Variants in HCN3 observed in about 807,000 individuals in gnomAD.
HCN3 encodes the protein potassium/sodium hyperpolarization-activated cyclic nucleotide-gated channel 3.
Under a neutral mutation model 56.8 loss-of-function variants are expected in HCN3, and 36 were observed. The ratio of observed to expected loss-of-function variants is 0.63; its 90% CI spans 0.49 to 0.84. The LOEUF (loss-of-function observed/expected upper bound fraction) is 0.84. Ranked by LOEUF, HCN3 falls within the 40% of genes least tolerant of loss-of-function variation. The pLI, the probability that HCN3 is intolerant of heterozygous loss-of-function variation, is 0.00. For synonymous variants in HCN3, 425 were observed against 439.7 expected (o/e 0.97, Z 0.42); for missense variants, 930 against 1,079.3 (o/e 0.86, Z 1.94).
chr1:155,288,565 A>G lies in HCN3; in HGVS notation c.*102A>G. 3 of 1,430,480 alleles carry G rather than the reference A, an allele frequency of 2.1e-6. No individual in the cohort carries two copies. The highest frequency in any genetic ancestry group is 2.8e-6 in the Non-Finnish European group (3 of 1,061,188). 88.6% of individuals were successfully genotyped at this position (1,430,480 alleles called of 1,614,324 possible). A position where few individuals can be genotyped will look rare whatever the true frequency, so the allele number is the denominator to read the frequency against. On this transcript the variant is annotated 3_prime_UTR_variant, in exon 8 of 8. Transcript: ENST00000368358. This position sits in a 1 kb window ranked among gnomAD's most constrained non-coding sequence, Gnocchi z 6.5. ...CCATGGGGACCTGAAACATTGCCCC[A>G]TGGAAATGTCGACCCTGTGCGGACA... is the stretch of plus-strand genomic sequence containing the variant.
In HCN3 at chr1:155,282,934, T is replaced by G; in HGVS notation, c.708+94T>G. 2 of 1,267,362 alleles carry G rather than the reference T, an allele frequency of 1.6e-6. No individual in the cohort carries two copies. Among genetic ancestry groups the G allele is most frequent in the Non-Finnish European group, 1.1e-6 (1 of 921,560 alleles). The allele number at this position is 1,267,362 out of a possible 1,614,324, so 78.5% of individuals were successfully genotyped here. On this transcript the variant is annotated intron_variant, in intron 2 of 7. Transcript: ENST00000368358. This position sits in a 1 kb window ranked among gnomAD's most constrained non-coding sequence, Gnocchi z 4.7. Reference sequence around the variant, plus strand: ...GGTGGACTTCTCTAGGAAGATGCTATGGGTGGGGCTCCTGGTGACCTTATA... The same window carrying G: ...GGTGGACTTCTCTAGGAAGATGCTAGGGGTGGGGCTCCTGGTGACCTTATA...
rs1436775786 is a variant in HCN3 at position 155,277,691 on chromosome 1, C to G, written c.101C>G (p.Ser34Ter). 6.4e-7 allele frequency: 1 copy of G among 1,566,388 alleles called. No homozygotes were observed. Among genetic ancestry groups the G allele is most frequent in the South Asian group, 1.2e-5 (1 of 85,618 alleles). Residue 34 changes from serine to a stop codon, truncating the protein, a stop_gained, in exon 1 of 8, where the codon TCA becomes TGA. Transcript: ENST00000368358. LOFTEE classifies it high-confidence loss of function. The part of the protein sequence containing the change: ...PVAPPPATAA[S>*]GPIPKSGPEP... Reference sequence around the variant, plus strand: ...GCTCCCCCGCCTGCGACCGCGGCCTCAGGTCCGATCCCCAAATCTGGGCCT... The same window carrying G: ...GCTCCCCCGCCTGCGACCGCGGCCTGAGGTCCGATCCCCAAATCTGGGCCT...
At position 155,282,411 on chromosome 1, in the gene HCN3, G is replaced by C; in HGVS notation, c.279G>C (p.Arg93=). 6.2e-7 allele frequency: 1 copy of C among 1,614,036 alleles called. No individual in the cohort carries two copies. Among genetic ancestry groups the C allele is most frequent in the Non-Finnish European group, 8.5e-7 (1 of 1,179,932 alleles). ...ACTCCTCATCTCACTCCCACCTTAG[G>C]TTTTACTGGGACCTGATCATGCTGC... ...AWIIHPYSDF[R]FYWDLIMLLL... is the part of the protein sequence containing the mutation. The change falls in exon 2 of 8, where the codon CGG becomes CGC. Residue 93 remains arginine, a splice_region_variant and synonymous_variant. Coordinates refer to ENST00000368358, the MANE Select transcript of HCN3 (RefSeq NM_020897.3). The surrounding 1 kb of genome is among the most constrained non-coding windows in gnomAD (Gnocchi z 4.7).
chr1:155,282,641 G>T lies in HCN3; in HGVS notation c.509G>T (p.Arg170Leu). Residue 170 changes from arginine (R) to leucine (L), a missense_variant, in exon 2 of 8, where the codon CGC (arginine) becomes CTC (leucine). By Grantham distance (102) the Arg-to-Leu change is moderately radical. Transcript: ENST00000368358. The surrounding 1 kb of genome is among the most constrained non-coding windows in gnomAD (Gnocchi z 4.7). The stretch of plus-strand genomic sequence containing the variant: ...CGGGCCATCCGCACGCGCTACCTGC[G>T]CACCTGGTTCCTGGTTGACCTCATC... ...APRAIRTRYLRTWFLVDLISS... is the reference protein window; with the variant it reads ...APRAIRTRYLLTWFLVDLISS... 6.2e-7 allele frequency: 1 copy of T among 1,614,238 alleles called. No individual in the cohort carries two copies. Among genetic ancestry groups the T allele is most frequent in the Non-Finnish European group, 8.5e-7 (1 of 1,180,040 alleles).
Position 155,288,316 on chromosome 1 carries a change from T to C in HCN3, c.2178T>C (p.Asp726=). 1 of 1,613,534 alleles carries C rather than the reference T, an allele frequency of 6.2e-7. No homozygotes were observed. The highest frequency in any genetic ancestry group is 1.1e-5 in the South Asian group (1 of 91,080). Residue 726 remains aspartate (D), a synonymous_variant, in exon 8 of 8, where the codon GAT becomes GAC. Coordinates refer to ENST00000368358, the MANE Select transcript of HCN3 (RefSeq NM_020897.3). The surrounding 1 kb of genome is among the most constrained non-coding windows in gnomAD (Gnocchi z 6.5). ...QPSLPQRATG[D]GSPGRKGSGS... Reference sequence around the variant, plus strand: ...CTCTGCCTCAGCGGGCAACAGGCGATGGCTCTCCTGGGCGTAAGGGATCAG... The same window carrying C: ...CTCTGCCTCAGCGGGCAACAGGCGACGGCTCTCCTGGGCGTAAGGGATCAG...
In HCN3 at chr1:155,282,159, T is replaced by C. The variant is rs941700971; in HGVS notation, c.279-252T>C. On this transcript the variant is annotated intron_variant, in intron 1 of 7. Transcript: ENST00000368358. This position sits in a 1 kb window ranked among gnomAD's most constrained non-coding sequence, Gnocchi z 4.7. The stretch of plus-strand genomic sequence containing the variant: ...CTATGTGTATCTCCTGGAGCGCATA[T>C]TTTCCTTGGATGTGTCTATACGTAG... 4.6e-5 allele frequency among the ~76,000 whole-genome samples: 7 copies of C among 152,218 alleles called. No homozygotes were observed. The East Asian group carries it at 1.2e-3, about 25-fold the overall frequency.
chr1:155,278,146 C>T (rs535133787), intron 1 of HCN3, among the ~76,000 whole-genome samples: 1 of 152,258 alleles, frequency 6.6e-6, no homozygotes, highest in African/African-American at 2.4e-5. Flanking sequence ...TTCAGGAACC[C>T]GGGACCCCAT....
At chr1:155,277,894 A>G (rs1374512988) in intron 1 of HCN3, 26 bp downstream of exon 1, 1 of 1,604,152 alleles carries the variant, frequency 6.2e-7, no homozygotes, top group South Asian at 1.1e-5. Flanking sequence ...CGGGGAGGGC[A>G]GGGTACATCA....
Position 155,285,180 on chromosome 1 carries a change from C to T in HCN3, c.1105C>T (p.Gln369Ter), listed in dbSNP as rs372143157. 2.0e-5 allele frequency: 32 copies of T among 1,614,110 alleles called. No homozygotes were observed. Among genetic ancestry groups the T allele is most frequent in the Non-Finnish European group, 2.3e-5 (27 of 1,179,962 alleles). Residue 369 changes from glutamine to a stop codon, truncating the protein, a stop_gained, in exon 5 of 8, where the codon CAG (glutamine) becomes TAG (stop). Coordinates refer to ENST00000368358, the MANE Select transcript of HCN3 (RefSeq NM_020897.3). LOFTEE classifies it high-confidence loss of function. This position sits in a 1 kb window ranked among gnomAD's most constrained non-coding sequence, Gnocchi z 4.5. ...GGCCCTCCAGTACAAGCAGGTGGAG[C>T]AGTACATGTCCTTCCACAAGCTGCC... ...QYQEKYKQVE[Q>*]YMSFHKLPAD...
Position 155,277,525 on chromosome 1 carries a change from G to T in HCN3, c.-66G>T. The T allele has an allele frequency of 6.7e-7, 1 of 1,483,080 alleles. No individual in the cohort carries two copies. 91.9% of individuals were successfully genotyped at this position (1,483,080 alleles called of 1,614,324 possible). ...GGCTGCGCCGACTCCTGCTCTGGAG[G>T]GGTTGCGGGTACCTGATGGCCACAG... is the stretch of plus-strand genomic sequence containing the variant. On this transcript the variant is annotated 5_prime_UTR_variant, in exon 1 of 8. Transcript: ENST00000368358.
At chr1:155,281,044 G>A (rs1023419136) in intron 1 of HCN3, among the ~76,000 whole-genome samples, 13 of 147,982 alleles carry the variant, frequency 8.8e-5, no homozygotes, top group African/African-American at 3.3e-4. Flanking sequence ...ATGAGCCACC[G>A]CACCCAGCGC....
chr1:155,285,921 C>A lies in HCN3; in HGVS notation c.1434C>A (p.Arg478=). Residue 478 remains arginine (R), a synonymous_variant, in exon 6 of 8, where the codon CGC becomes CGA. Coordinates refer to ENST00000368358, the MANE Select transcript of HCN3 (RefSeq NM_020897.3). The surrounding 1 kb of genome is among the most constrained non-coding windows in gnomAD (Gnocchi z 4.5). ...ATGGGCTGCTCAGTGTGCTGGCCCGCGGCGCCCGGGACACACGCCTCACCG... is the reference window on the plus strand; with the variant it reads ...ATGGGCTGCTCAGTGTGCTGGCCCGAGGCGCCCGGGACACACGCCTCACCG... ...IQHGLLSVLA[R]GARDTRLTDG... is the part of the protein sequence containing the mutation. 6.2e-7 allele frequency: 1 copy of A among 1,607,080 alleles called. No homozygotes were observed. Among genetic ancestry groups the A allele is most frequent in the Non-Finnish European group, 8.5e-7 (1 of 1,174,720 alleles).
rs534715515 is a variant in HCN3, at chr1:155,287,036, C to T, written c.1478-137C>T. 1.8e-4 allele frequency: 168 copies of T among 935,836 alleles called. No individual in the cohort carries two copies. In the East Asian group the frequency reaches 3.0e-3, roughly 16 times the overall value. The allele number at this position is 935,836 out of a possible 1,614,324, so 58.0% of individuals were successfully genotyped here. A position where few individuals can be genotyped will look rare whatever the true frequency, so the allele number is the denominator to read the frequency against. ...TGGGGTGTTTAGGGTTCCTGGGGCA[C>T]GGAGGTAATAGGTAATCAATGGTTT... On this transcript the variant is annotated intron_variant, in intron 6 of 7. Coordinates refer to ENST00000368358, the MANE Select transcript of HCN3 (RefSeq NM_020897.3).
chr1:155,287,415 T>C (rs1674332643), intron 7 of HCN3, 78 bp downstream of exon 7: 3 of 1,538,472 alleles, frequency 1.9e-6, no homozygotes, highest in Non-Finnish European at 8.9e-7. Flanking sequence ...GCCCAGGCTT[T>C]AGGGCTCCAG....
At position 155,287,877 on chromosome 1, in the gene HCN3, A is replaced by C; in HGVS notation, c.1739A>C (p.Asp580Ala). 6.2e-7 allele frequency: 1 copy of C among 1,614,048 alleles called. No individual in the cohort carries two copies. The change falls in exon 8 of 8, where the codon GAC (aspartate) becomes GCC (alanine). Residue 580 changes from aspartate to alanine, a missense_variant. Physicochemically the swap from Asp to Ala is moderately radical, Grantham distance 126. Coordinates refer to ENST00000368358, the MANE Select transcript of HCN3 (RefSeq NM_020897.3). ...MEQHLVQHDR[D>A]MARGVRGRAP... ...CAGCACTTGGTGCAACATGACAGAG[A>C]CATGGCTCGGGGTGTTCGGGGTCGG...
rs369352028 is a variant in HCN3 at position 155,288,454 on chromosome 1, C to G, written c.2316C>G (p.Ala772=). 6.9e-6 allele frequency: 11 copies of G among 1,597,042 alleles called. No individual in the cohort carries two copies. Among genetic ancestry groups the G allele is most frequent in the Non-Finnish European group, 9.4e-6 (11 of 1,172,628 alleles). The change falls in exon 8 of 8, where the codon GCC becomes GCG. Residue 772 remains alanine, a synonymous_variant. Coordinates refer to ENST00000368358, the MANE Select transcript of HCN3 (RefSeq NM_020897.3). The surrounding 1 kb of genome is among the most constrained non-coding windows in gnomAD (Gnocchi z 6.5). The part of the protein sequence containing the change: ...PATPRGLQLS[A]NM ...CACCCCGGGGTCTCCAGCTTTCTGC[C>G]AACATGTAAAACCTTTGAGTACATC...
chr1:155,284,632 A>G lies in HCN3; in HGVS notation c.964A>G (p.Met322Val). ...CTATGGGCAGCAGGCACCTGTAGGC[A>G]TGCCCGACGTCTGGCTCACCATGCT... ...IGYGQQAPVG[M>V]PDVWLTMLSM... is the part of the protein sequence containing the mutation. The change falls in exon 4 of 8, where the codon ATG (methionine) becomes GTG (valine). Residue 322 changes from methionine (M) to valine (V), a missense_variant. Coordinates refer to ENST00000368358, the MANE Select transcript of HCN3 (RefSeq NM_020897.3). The surrounding 1 kb of genome is among the most constrained non-coding windows in gnomAD (Gnocchi z 4.3). The G allele has an allele frequency of 6.2e-7, 1 of 1,614,148 alleles. No individual in the cohort carries two copies.
chr1:155,286,875 G>A (rs570268942), intron 6 of HCN3, among the ~76,000 whole-genome samples: 23 of 152,210 alleles, frequency 1.5e-4, no homozygotes, highest in African/African-American at 5.1e-4. Flanking sequence ...GGAGGGGTGG[G>A]AGTTAAAGTG....
intron 1 of HCN3, 121 bp downstream of exon 1, chr1:155,277,989 TG>T: frequency 8.0e-7 from 1 of 1,255,988 alleles, no homozygotes; most frequent in Non-Finnish European, 1.1e-6. Context: ...GGTCCCTTGG[TG>T]GGGCGGGAGA....
Sources: allele counts gnomAD v4.1 joint callset (sites outside exome capture counted in the v4.1 genomes callset), GRCh38; gene constraint gnomAD v4.1.1; non-coding constraint Gnocchi (gnomAD v3.1); transcripts MANE v1.5; gene names NCBI Gene and HGNC (gene_info 2026-07-23, HGNC 2026-07-21).